Variants in AKAP13 observed in about 807,000 individuals in gnomAD.
The protein encoded by AKAP13 is A-kinase anchor protein 13.
In AKAP13, 80 loss-of-function variants were observed where a neutral mutation model predicts 264.5. The observed-to-expected ratio is 0.30, with a 90% CI of 0.25 to 0.36. The LOEUF (loss-of-function observed/expected upper bound fraction) is 0.36. Ranked by LOEUF, AKAP13 falls within the 10% of genes least tolerant of loss-of-function variation. The probability of loss-of-function intolerance (pLI) is 1.00; values close to 1 mark genes in which losing one functional copy is unlikely to be tolerated. For missense variants in AKAP13, 3,712 were observed against 3,435.2 expected (o/e 1.08, Z -2.01); for synonymous variants, 1,380 against 1,250.2 (o/e 1.10, Z -2.19).
chr15:85,712,079 A>AT (rs1453477175), intron 19 of AKAP13, among the ~76,000 whole-genome samples: 1 of 152,110 alleles, frequency 6.6e-6, no homozygotes, highest in Non-Finnish European at 1.5e-5. Context: ...AGCAGTCCTC[A>AT]TGCCTTGGCC....
Position 85,580,905 on chromosome 15 carries a change from C to G in AKAP13, c.2837C>G (p.Thr946Ser). 6.2e-7 allele frequency: 1 copy of G among 1,614,200 alleles called. No individual in the cohort carries two copies. Among genetic ancestry groups the G allele is most frequent in the Non-Finnish European group, 8.5e-7 (1 of 1,180,018 alleles). ...SIKENALSSGTLQEEQRTPPP... is the reference protein window; with the variant it reads ...SIKENALSSGSLQEEQRTPPP... The stretch of plus-strand genomic sequence containing the variant: ...AAGGAAAATGCTCTCTCTTCAGGAA[C>G]TTTGCAGGAAGAGCAGAGAACACCA... Residue 946 changes from threonine (T) to serine (S), a missense_variant, in exon 7 of 37, where the codon ACT becomes AGT. Thr to Ser is a moderately conservative substitution (Grantham distance 58). Coordinates refer to ENST00000394518, the MANE Select transcript of AKAP13 (RefSeq NM_007200.5).
At chr15:85,565,782 G>A (rs1301321390) in intron 5 of AKAP13, among the ~76,000 whole-genome samples, 1 of 152,310 alleles carries the variant, frequency 6.6e-6, no homozygotes, top group South Asian at 2.1e-4. Context: ...GCAGGGCCTT[G>A]CCTTTCCTTC....
At chr15:85,603,150 G>C (rs770196351) in intron 8 of AKAP13, among the ~76,000 whole-genome samples, 3 of 152,210 alleles carry the variant, frequency 2.0e-5, no homozygotes, top group Non-Finnish European at 4.4e-5. Context: ...TTTAAGTAAA[G>C]TGTTGTTTCC....
rs2089310992 is a variant in AKAP13 at position 85,744,569 on chromosome 15, G to C, written c.8393-59G>C. 2.5e-6 allele frequency: 4 copies of C among 1,575,886 alleles called. No individual in the cohort carries two copies. In the East Asian group the frequency reaches 9.0e-5, roughly 35 times the overall value. On this transcript the variant is annotated intron_variant, in intron 36 of 36. Transcript: ENST00000394518. The stretch of plus-strand genomic sequence containing the variant: ...CAGAAGACTTTGGGATGGGGAGGAA[G>C]TTCAATGAAAGGAGCAGTTTTTCTG...
chr15:85,622,803 A>G (rs1002803449), intron 8 of AKAP13, among the ~76,000 whole-genome samples: 4 of 152,244 alleles, frequency 2.6e-5, no homozygotes, highest in African/African-American at 4.8e-5. Flanking sequence ...TTCAAAGTCC[A>G]TGTTTTTCCT....
chr15:85,739,996 T>A (rs1204023168), intron 33 of AKAP13, among the ~76,000 whole-genome samples: 1 of 152,240 alleles, frequency 6.6e-6, no homozygotes, highest in Non-Finnish European at 1.5e-5. Flanking sequence ...TTTTAACTTG[T>A]GCTGATGTTC....
intron 1 of AKAP13, among the ~76,000 whole-genome samples, chr15:85,479,264 C>T (rs1425106095): frequency 6.6e-6 from 1 of 152,212 alleles, no homozygotes; most frequent in Non-Finnish European, 1.5e-5. Context: ...CCAGCCCAGG[C>T]TCCGTGGGTT....
chr15:85,467,224 C>G (rs1219363978), intron 1 of AKAP13, among the ~76,000 whole-genome samples: 1 of 152,018 alleles, frequency 6.6e-6, no homozygotes, highest in East Asian at 1.9e-4. Context: ...GCTTTTCTAC[C>G]TTTATTTGAT....
chr15:85,415,551 AG>A (rs1411080207), intron 1 of AKAP13: 15 of 1,455,090 alleles, frequency 1.0e-5, no homozygotes, highest in Non-Finnish European at 1.4e-5. Context: ...CACAATAAGA[AG>A]AAAATTGAAA....
chr15:85,706,442 C>A (rs2086263912), intron 17 of AKAP13, among the ~76,000 whole-genome samples: 2 of 152,108 alleles, frequency 1.3e-5, no homozygotes, highest in African/African-American at 4.8e-5. Flanking sequence ...GCAGAGGGAA[C>A]CTGGGGGAAA....
rs1397601102 is a variant in AKAP13 at position 85,609,178 on chromosome 15, C to T, written c.4161+23355C>T. Among the ~76,000 whole-genome samples the T allele has an allele frequency of 5.3e-5, 8 of 152,240 alleles. No homozygotes were observed. The South Asian group carries it at 6.2e-4, about 12-fold the overall frequency. Reference sequence around the variant, plus strand: ...GTTTGAAATATACAATATATTATTGCTAACTATAGTCACCCTTCGGTGTGA... The same window carrying T: ...GTTTGAAATATACAATATATTATTGTTAACTATAGTCACCCTTCGGTGTGA... On this transcript the variant is annotated intron_variant, in intron 8 of 36. Transcript: ENST00000394518.
intron 14 of AKAP13, chr15:85,676,874 C>T (rs770330386): frequency 6.5e-6 from 6 of 919,406 alleles, no homozygotes; most frequent in South Asian, 5.0e-5. Flanking sequence ...CAGCATTTCC[C>T]GGAACCGCAT....
intron 8 of AKAP13, chr15:85,619,886 C>A: frequency 7.1e-7 from 1 of 1,405,720 alleles, no homozygotes; most frequent in Non-Finnish European, 9.2e-7. Context: ...AGTTCTCAGT[C>A]AGTTCAAGGC....
intron 1 of AKAP13, among the ~76,000 whole-genome samples, chr15:85,470,444 C>T (rs565005579): frequency 6.6e-6 from 1 of 152,318 alleles, no homozygotes; most frequent in East Asian, 1.9e-4. Flanking sequence ...AATTCACTTT[C>T]AACTCAGACA....
chr15:85,607,767 A>G (rs1028380156), intron 8 of AKAP13, among the ~76,000 whole-genome samples: 15 of 152,228 alleles, frequency 9.9e-5, no homozygotes, highest in Admixed American at 7.2e-4. Flanking sequence ...AAACAGTTAC[A>G]TTGTACTTTC....
chr15:85,545,828 C>T (rs1455793336), intron 5 of AKAP13, among the ~76,000 whole-genome samples: 11 of 152,128 alleles, frequency 7.2e-5, no homozygotes, highest in Non-Finnish European at 1.3e-4. Context: ...CCTTTCCTTC[C>T]CCTTTCTTTT....
intron 5 of AKAP13, 47 bp downstream of exon 5, chr15:85,544,002 A>C (rs2077651338): frequency 6.2e-7 from 1 of 1,602,682 alleles, no homozygotes; most frequent in Non-Finnish European, 8.5e-7. Flanking sequence ...CCCCAGCCCC[A>C]CCCCCGATTC....
At chr15:85,401,158 G>A (rs1168321829) in intron 1 of AKAP13, among the ~76,000 whole-genome samples, 3 of 151,876 alleles carry the variant, frequency 2.0e-5, no homozygotes, top group Admixed American at 6.6e-5. Context: ...CACTGTGCCC[G>A]GCATATTATA....
At chr15:85,591,916 A>T (rs1567144331) in intron 8 of AKAP13, among the ~76,000 whole-genome samples, 1 of 152,162 alleles carries the variant, frequency 6.6e-6, no homozygotes, top group Admixed American at 6.5e-5. Flanking sequence ...ACAGTCAAAC[A>T]CTCAAGAACA....
Sources: allele counts gnomAD v4.1 joint callset (sites outside exome capture counted in the v4.1 genomes callset), GRCh38; gene constraint gnomAD v4.1.1; transcripts MANE v1.5; gene names NCBI Gene and HGNC (gene_info 2026-07-23, HGNC 2026-07-21).